ANKRD30BL: variants seen among roughly 807,000 people sequenced by gnomAD.
The protein encoded by ANKRD30BL is putative ankyrin repeat domain-containing protein 30B-like.
Under a neutral mutation model 18.4 loss-of-function variants are expected in ANKRD30BL, and 20 were observed. That is an observed-to-expected ratio of 1.09 (90% CI 0.77 to 1.58). The LOEUF (loss-of-function observed/expected upper bound fraction) is 1.58. Ranked by LOEUF, ANKRD30BL falls within the 40% of genes most tolerant of loss-of-function variation. ANKRD30BL has a pLI of 0.00. For missense variants in ANKRD30BL, 224 were observed against 268.6 expected (o/e 0.83, Z 1.16); for synonymous variants, 72 against 100.9 (o/e 0.71, Z 1.72).
intron 1 of ANKRD30BL, among the ~76,000 whole-genome samples, chr2:132,160,401 CTTT>C (rs33924872): frequency 5.3e-4 from 52 of 97,586 alleles, no homozygotes; most frequent in Non-Finnish European, 1.6e-4. Context: ...ACGCCTGGCC[CTTT>C]TTTTTTTTTT....
At chr2:132,241,732 T>C (rs2104795982) in intron 1 of ANKRD30BL, among the ~76,000 whole-genome samples, 1 of 151,950 alleles carries the variant, frequency 6.6e-6, no homozygotes, top group Non-Finnish European at 1.5e-5. Context: ...CTTTCTGATG[T>C]GTGTACTCAA....
chr2:132,214,381 C>T (rs1019757526), intron 1 of ANKRD30BL, among the ~76,000 whole-genome samples: 15 of 152,040 alleles, frequency 9.9e-5, no homozygotes, highest in African/African-American at 3.4e-4. Context: ...GTGATCTGTG[C>T]ATTCGTCTCA....
chr2:132,253,733 G>C (rs10170235), intron 1 of ANKRD30BL, among the ~76,000 whole-genome samples: 3,203 of 151,592 alleles, frequency 0.021, 103 homozygotes, highest in African/African-American at 0.074. Context: ...CAGGCAGACC[G>C]GCGACCCCTC....
At chr2:132,232,892 T>C (rs61518309) in intron 1 of ANKRD30BL, among the ~76,000 whole-genome samples, 10,732 of 151,536 alleles carry the variant, frequency 0.071, 1,255 homozygotes, top group African/African-American at 0.24. Context: ...GTCAGATTCA[T>C]CAAAGTTGAA....
At chr2:132,245,476 A>G (rs552273919) in intron 1 of ANKRD30BL, among the ~76,000 whole-genome samples, 93 of 151,128 alleles carry the variant, frequency 6.2e-4, no homozygotes, top group African/African-American at 2.1e-3. Flanking sequence ...CATTCTCAGA[A>G]ACTGCTTTGT....
chr2:132,246,827 A>G (rs1680512551), intron 1 of ANKRD30BL, among the ~76,000 whole-genome samples: 1 of 152,002 alleles, frequency 6.6e-6, no homozygotes, highest in Non-Finnish European at 1.5e-5. Flanking sequence ...AACTAGGCAG[A>G]AGAATTCTCA....
chr2:132,169,508 G>A (rs1470512482), intron 1 of ANKRD30BL, among the ~76,000 whole-genome samples: 6 of 152,132 alleles, frequency 3.9e-5, no homozygotes, highest in Non-Finnish European at 1.5e-5. Flanking sequence ...CTAGCTGGGC[G>A]TCGTGGTGCA....
chr2:132,158,099 C>T lies in ANKRD30BL; in HGVS notation c.219-676G>A, dbSNP rs181579237. Among the ~76,000 whole-genome samples, 597 of 152,214 alleles carry T rather than the reference C, an allele frequency of 3.9e-3. 2 individuals carry two copies. Among genetic ancestry groups the T allele is most frequent in the African/African-American group, 0.013 (525 of 41,554 alleles). On this transcript the variant is annotated intron_variant, in intron 1 of 5. Transcript: ENST00000409867. ...AAATAAGGAGGCATCACACAATTCA[C>T]CGTGCCTTCCATGAAGTGGAATATG...
At chr2:132,162,097 T>TGG (rs1233755393), upstream of ANKRD30BL, 1 of 184,194 alleles carries the variant, frequency 5.4e-6, no homozygotes, top group Non-Finnish European at 1.1e-5. Flanking sequence ...GAGCGGAACG[T>TGG]GGGGGGCTCC....
At chr2:132,182,389 G>A (rs1246368691) in intron 1 of ANKRD30BL, among the ~76,000 whole-genome samples, 1 of 151,754 alleles carries the variant, frequency 6.6e-6, no homozygotes. Flanking sequence ...GGCTGAGGCA[G>A]GAGAATGGCA....
At chr2:132,209,478 G>C (rs1306428337) in intron 1 of ANKRD30BL, among the ~76,000 whole-genome samples, 1 of 145,776 alleles carries the variant, frequency 6.9e-6, no homozygotes, top group African/African-American at 2.5e-5. Flanking sequence ...TGGACATTCG[G>C]AGCGATTTGA....
intron 1 of ANKRD30BL, among the ~76,000 whole-genome samples, chr2:132,220,837 A>G (rs1172341070): frequency 4.9e-5 from 7 of 143,994 alleles, no homozygotes; most frequent in African/African-American, 1.6e-4. Context: ...CGTCTGGGAT[A>G]TGAGGAGCTC....
chr2:132,245,226 G>A (rs542546336), intron 1 of ANKRD30BL, among the ~76,000 whole-genome samples: 109 of 152,406 alleles, frequency 7.2e-4, no homozygotes, highest in African/African-American at 2.3e-3. Context: ...ATTTGCAAGC[G>A]GATGTTTGGA....
chr2:132,252,981 G>A lies in ANKRD30BL; in HGVS notation n.441+4548C>T, dbSNP rs528356578. On this transcript the variant is annotated intron_variant and non_coding_transcript_variant, in intron 1 of 4. Transcript: ENST00000470729. ...GCCCCCCTTCCCCACGCCACCCAACGCGTGACTACACAGGGCCGCAGGGGG... is the reference window on the plus strand; with the variant it reads ...GCCCCCCTTCCCCACGCCACCCAACACGTGACTACACAGGGCCGCAGGGGG... Among the ~76,000 whole-genome samples, 365 of 152,002 alleles carry A rather than the reference G, an allele frequency of 2.4e-3. 1 individual carries two copies. Among genetic ancestry groups the A allele is most frequent in the African/African-American group, 7.5e-3 (310 of 41,494 alleles).
chr2:132,176,364 C>T (rs1688367408), intron 1 of ANKRD30BL, among the ~76,000 whole-genome samples: 1 of 152,082 alleles, frequency 6.6e-6, no homozygotes. Context: ...CCTGTCTCTA[C>T]TAAAAATACA....
intron 1 of ANKRD30BL, among the ~76,000 whole-genome samples, chr2:132,207,149 T>TCTC (rs1418162185): frequency 6.6e-6 from 1 of 152,108 alleles, no homozygotes; most frequent in East Asian, 1.9e-4. Flanking sequence ...ATATATTTTC[T>TCTC]TTTTGAAGAC....
chr2:132,179,257 C>G (rs560940375), intron 1 of ANKRD30BL, among the ~76,000 whole-genome samples: 2 of 151,626 alleles, frequency 1.3e-5, no homozygotes, highest in African/African-American at 4.8e-5. Context: ...GACAATATTA[C>G]TGGTTTATAT....
At chr2:132,208,142 A>G (rs1204056150) in intron 1 of ANKRD30BL, among the ~76,000 whole-genome samples, 2 of 152,070 alleles carry the variant, frequency 1.3e-5, no homozygotes, top group Non-Finnish European at 2.9e-5. Context: ...AGAATTGTAG[A>G]TCCACTTGTA....
intron 1 of ANKRD30BL, among the ~76,000 whole-genome samples, chr2:132,210,841 AT>A (rs1480657107): frequency 6.6e-6 from 1 of 151,838 alleles, no homozygotes; most frequent in Admixed American, 6.6e-5. Flanking sequence ...GCAAGTGGAT[AT>A]TTGGAGCCCT....
Sources: gnomAD v4.1 joint callset for allele counts (sites outside exome capture counted in the v4.1 genomes callset) on GRCh38, gnomAD v4.1.1 for gene constraint, MANE v1.5 for transcripts, NCBI Gene and HGNC (gene_info 2026-07-23, HGNC 2026-07-21) for gene names.